DOCK8: variants seen among roughly 807,000 people sequenced by gnomAD.
DOCK8 encodes dedicator of cytokinesis 8, also known as dedicator of cytokinesis protein 8.
In DOCK8, 141 loss-of-function variants were observed where a neutral mutation model predicts 245.6. That is an observed-to-expected ratio of 0.57 (90% CI 0.50 to 0.66). The LOEUF is 0.66. Among genes scored for constraint, DOCK8 ranks in the 30% least tolerant of loss-of-function variants. The probability of loss-of-function intolerance (pLI) is 0.00; values close to 1 mark genes in which losing one functional copy is unlikely to be tolerated. For synonymous variants in DOCK8, 1,168 were observed against 970.2 expected (o/e 1.20, Z -3.79); for missense variants, 2,965 against 2,603.4 (o/e 1.14, Z -3.02).
intron 1 of DOCK8, among the ~76,000 whole-genome samples, chr9:237,020 G>A (rs747285540): frequency 3.3e-5 from 5 of 152,186 alleles, no homozygotes; most frequent in Non-Finnish European, 5.9e-5. Flanking sequence ...CTTGCCTGGC[G>A]GCACTTCCAG....
chr9:332,181 CTGAG>C (rs1375520440), intron 9 of DOCK8, among the ~76,000 whole-genome samples: 3 of 152,150 alleles, frequency 2.0e-5, no homozygotes, highest in Admixed American at 1.3e-4. Context: ...GCTGCATTTG[CTGAG>C]TATCTACTGT....
chr9:324,351 A>T (rs1431508333), intron 7 of DOCK8, among the ~76,000 whole-genome samples: 1 of 152,216 alleles, frequency 6.6e-6, no homozygotes, highest in African/African-American at 2.4e-5. Context: ...GACTTTATTG[A>T]CATGATGTCT....
At chr9:238,873 T>G (rs1330915397) in intron 1 of DOCK8, among the ~76,000 whole-genome samples, 1 of 151,962 alleles carries the variant, frequency 6.6e-6, no homozygotes. Context: ...ATGGCCAGAG[T>G]CTATCCCAGC....
At chr9:448,205 A>G (rs953423441) in intron 44 of DOCK8, among the ~76,000 whole-genome samples, 3 of 151,854 alleles carry the variant, frequency 2.0e-5, no homozygotes, top group East Asian at 3.9e-4. Context: ...CAATTTTCCT[A>G]CCTCAGCCTC....
At chr9:375,221 T>A (rs534344088) in intron 18 of DOCK8, among the ~76,000 whole-genome samples, 12 of 152,296 alleles carry the variant, frequency 7.9e-5, no homozygotes, top group African/African-American at 2.9e-4. Context: ...CCTGTACACA[T>A]CTACCTTTCA....
In DOCK8 at chr9:368,060, CA is replaced by C; in HGVS notation, c.1725del (p.Lys575AsnfsTer2). ...VYPQRLNFVN[K>X]LASARNITIK... ...ACCCACAGAGGCTGAACTTTGTAAA[CA>C]AACTAGCATCAGCCCGGAACATTAC... is the stretch of plus-strand genomic sequence containing the variant. On this transcript the variant is annotated frameshift_variant, in exon 15 of 48. Transcript: ENST00000432829. LOFTEE classifies it high-confidence loss of function. The C allele has an allele frequency of 6.2e-7, 1 of 1,614,156 alleles. No individual in the cohort carries two copies. Among genetic ancestry groups the C allele is most frequent in the Non-Finnish European group, 8.5e-7 (1 of 1,180,010 alleles).
intron 14 of DOCK8, chr9:366,154 C>T (rs117358302): frequency 1.6e-4 from 25 of 157,086 alleles, no homozygotes; most frequent in Admixed American, 1.2e-3. Context: ...TATGCTGATC[C>T]CTTCATTGTG....
In DOCK8 at chr9:304,571, A is replaced by G; in HGVS notation, c.405-10A>G. 1 of 1,614,032 alleles carries G rather than the reference A, an allele frequency of 6.2e-7. No homozygotes were observed. Among genetic ancestry groups the G allele is most frequent in the Non-Finnish European group, 8.5e-7 (1 of 1,179,998 alleles). On this transcript the variant is annotated splice_polypyrimidine_tract_variant and intron_variant, in intron 4 of 47. Transcript: ENST00000432829. ...CTTTCTCTCTCCAAATTAAATATCA[A>G]CCATAAAAGAAACCAAGGAAGTCCA...
intron 1 of DOCK8, among the ~76,000 whole-genome samples, chr9:237,229 A>T (rs1038784094): frequency 6.6e-6 from 1 of 152,272 alleles, no homozygotes; most frequent in African/African-American, 2.4e-5. Context: ...GGGAGCTGCA[A>T]GGAAAGCAAA....
intron 46 of DOCK8, chr9:453,006 C>T (rs1057411679): frequency 6.6e-6 from 1 of 152,144 alleles, no homozygotes; most frequent in Non-Finnish European, 1.5e-5. Context: ...TATTCAAAAC[C>T]TTAGAGAAGA....
rs188118407 is a variant in DOCK8, at chr9:359,706, G to A, written c.1680-8312G>A. Among the ~76,000 whole-genome samples the A allele has an allele frequency of 3.1e-3, 466 of 150,634 alleles. 3 individuals are homozygous for A. Among genetic ancestry groups the A allele is most frequent in the Middle Eastern group, 0.024 (7 of 292 alleles). ...CAAATTGCTATAGAGAGTAAAAAGCGCCAACCTTTTCCTGTAGTTTTTGAA... is the reference window on the plus strand; with the variant it reads ...CAAATTGCTATAGAGAGTAAAAAGCACCAACCTTTTCCTGTAGTTTTTGAA... On this transcript the variant is annotated intron_variant, in intron 14 of 47. Coordinates refer to ENST00000432829, the MANE Select transcript of DOCK8 (RefSeq NM_203447.4).
Position 428,225 on chromosome 9 carries a change from T to A in DOCK8, c.4339-137T>A, listed in dbSNP as rs1056850607. 2.3e-6 allele frequency: 3 copies of A among 1,320,474 alleles called. No homozygotes were observed. The Admixed American group carries it at 5.6e-5, about 25-fold the overall frequency. The allele number at this position is 1,320,474 out of a possible 1,614,324, so 81.8% of individuals were successfully genotyped here. A position where few individuals can be genotyped will look rare whatever the true frequency, so the allele number is the denominator to read the frequency against. ...TTCAGTTCCCATGGTTAATGGATGATACCCATGGTGGCTCACCAAACTCTT... is the reference window on the plus strand; with the variant it reads ...TTCAGTTCCCATGGTTAATGGATGAAACCCATGGTGGCTCACCAAACTCTT... On this transcript the variant is annotated intron_variant, in intron 34 of 47. Transcript: ENST00000432829.
chr9:245,983 G>T (rs1284071122), intron 1 of DOCK8, among the ~76,000 whole-genome samples: 1 of 152,120 alleles, frequency 6.6e-6, no homozygotes, highest in Non-Finnish European at 1.5e-5. Context: ...ACTTTGGGAG[G>T]CCAAGGAGGG....
chr9:443,281 T>G, intron 42 of DOCK8, 146 bp from the exon 43 acceptor site: 1 of 767,378 alleles, frequency 1.3e-6, no homozygotes. Flanking sequence ...AATGCTGAAC[T>G]TTGCTCATTA....
At chr9:215,852 G>A (rs541780135) in intron 1 of DOCK8, 1 of 168,414 alleles carries the variant, frequency 5.9e-6, no homozygotes, top group Non-Finnish European at 1.4e-5. Context: ...GGACATTTTT[G>A]TCTTGCCCTG....
At chr9:304,733 A>G in intron 5 of DOCK8, 29 bp downstream of exon 5, 1 of 1,614,040 alleles carries the variant, frequency 6.2e-7, no homozygotes. Context: ...CATGGTTACC[A>G]GGTTACTGGG....
intron 14 of DOCK8, among the ~76,000 whole-genome samples, chr9:359,182 C>T (rs1233089250): frequency 6.6e-6 from 1 of 152,154 alleles, no homozygotes; most frequent in Admixed American, 6.5e-5. Context: ...TCAGAAAAAC[C>T]TCATAGTTTA....
chr9:390,946 A>G (rs1009397677), intron 24 of DOCK8, among the ~76,000 whole-genome samples: 3 of 152,148 alleles, frequency 2.0e-5, no homozygotes, highest in Admixed American at 6.5e-5. Flanking sequence ...CCGATCGATG[A>G]TTTTCACTGC....
At chr9:270,549 C>G (rs2129922636) in intron 1 of DOCK8, among the ~76,000 whole-genome samples, 1 of 152,174 alleles carries the variant, frequency 6.6e-6, no homozygotes, top group East Asian at 1.9e-4. Context: ...AGGTCGGGAG[C>G]AAAGCAAACC....
Sources: gnomAD v4.1 joint callset for allele counts (sites outside exome capture counted in the v4.1 genomes callset) on GRCh38, gnomAD v4.1.1 for gene constraint, MANE v1.5 for transcripts, NCBI Gene and HGNC (gene_info 2026-07-23, HGNC 2026-07-21) for gene names.